The following RIPPLY1 variants were observed in gnomAD, a reference collection of about 807,000 sequenced individuals.
The protein encoded by RIPPLY1 is ripply transcriptional repressor 1, also known as protein ripply1.
A neutral mutation model predicts 8.7 loss-of-function variants in RIPPLY1; 10 were observed. That is an observed-to-expected ratio of 1.15 (90% CI 0.71 to 1.94). The LOEUF (loss-of-function observed/expected upper bound fraction) is 1.94. RIPPLY1 is among the 30% of genes most tolerant of loss of function. The pLI, the probability that RIPPLY1 is intolerant of heterozygous loss-of-function variation, is 0.00. For synonymous variants in RIPPLY1, 54 were observed against 44.8 expected, an observed-to-expected ratio of 1.20 and a Z score of -0.82; for missense variants, 118 against 108.7, an observed-to-expected ratio of 1.09 and a Z score of -0.38.
In RIPPLY1 at chrX:106,902,196, G is replaced by T; in HGVS notation, c.175C>A (p.Pro59Thr). The T allele has an allele frequency of 8.4e-7, 1 of 1,185,577 alleles. No individual in the cohort carries two copies. The highest frequency in any genetic ancestry group is 3.1e-5 in the East Asian group (1 of 32,371). Residue 59 changes from proline to threonine, a missense_variant, in exon 2 of 4, where the codon CCC becomes ACC. Transcript: ENST00000276173. ...GAGTCATTTGTGGAAGACAGCCAGG[G>T]CCTCCAGAGACAAGTTCCTCTGGGA... ...GSERGTCLWR[P>T]WLSSTNDSPR...
At position 106,901,533 on chromosome X, in the gene RIPPLY1, A is replaced by C. The variant is rs755166835; in HGVS notation, c.237T>G (p.Ala79=). Reference sequence around the variant, plus strand: ...TGACCTCAGCAGCCGTTGCCCCACCAGCAGCCTGTCCAAAGCAAAAGCTAG... The same window carrying C: ...TGACCTCAGCAGCCGTTGCCCCACCCGCAGCCTGTCCAAAGCAAAAGCTAG... ...RQMRKLVDLA[A]GGATAAEVTK... The change falls in exon 3 of 4, where the codon GCT becomes GCG. Residue 79 remains alanine (A), a synonymous_variant. Transcript: ENST00000276173. 2.5e-6 allele frequency: 3 copies of C among 1,209,645 alleles called. No homozygotes were observed. The African/African-American group carries it at 5.2e-5, about 21-fold the overall frequency.
chrX:106,901,439 T>C, intron 3 of RIPPLY1, 35 bp downstream of exon 3: 1 of 1,169,059 alleles, frequency 8.6e-7, no homozygotes, highest in East Asian at 3.0e-5. Context: ...CTAATGGATC[T>C]ATGTCAAGTT....
chrX:106,901,871 C>T (rs747605930), intron 2 of RIPPLY1, among the ~76,000 whole-genome samples: 3 of 111,689 alleles, frequency 2.7e-5, no homozygotes, highest in Middle Eastern at 4.2e-3. Flanking sequence ...TGCCAGGAGA[C>T]GAGGCCTCAA....
At chrX:106,901,640 A>G (rs1326868277) in intron 2 of RIPPLY1, 102 bp from the exon 3 acceptor site, 1 of 827,576 alleles carries the variant, frequency 1.2e-6, no homozygotes, top group Non-Finnish European at 1.8e-6. Flanking sequence ...GATCTTGAAG[A>G]GACCTTAGAC....
At position 106,900,120 on chromosome X, in the gene RIPPLY1, AAC is replaced by A. The variant is rs374450930; in HGVS notation, c.*627_*628del. The A allele has an allele frequency of 4.4e-5, 5 of 112,687 alleles. No homozygotes were observed. The highest frequency in any genetic ancestry group is 1.6e-4 in the African/African-American group (5 of 31,068). The allele number at this position is 112,687 out of a possible 1,213,427, so 9.3% of individuals were successfully genotyped here. On this transcript the variant is annotated 3_prime_UTR_variant, in exon 4 of 4. Transcript: ENST00000276173. Reference sequence around the variant, plus strand: ...TTTTTCTCCTGATTCATCTCATGCCAACACACAGACTTCAATGGACAGCAGGC... The same window carrying A: ...TTTTTCTCCTGATTCATCTCATGCCAACACAGACTTCAATGGACAGCAGGC...
In RIPPLY1 at chrX:106,903,282, G is replaced by A. The variant is rs1382306208; in HGVS notation, c.6C>T (p.Asp2=). The A allele has an allele frequency of 1.7e-6, 2 of 1,201,096 alleles. No homozygotes were observed. The highest frequency in any genetic ancestry group is 2.2e-5 in the Admixed American group (1 of 45,424). Residue 2 remains aspartate (D), a synonymous_variant, in exon 1 of 4, where the codon GAC becomes GAT. Coordinates refer to ENST00000276173, the MANE Select transcript of RIPPLY1 (RefSeq NM_138382.3). Reference sequence around the variant, plus strand: ...TGGCAGCAGCAGCACAGGCAGCAGAGTCCATTCTTAGGGGACCAAAGCCAG... The same window carrying A: ...TGGCAGCAGCAGCACAGGCAGCAGAATCCATTCTTAGGGGACCAAAGCCAG... M[D]SAACAAAATP...
At chrX:106,901,182 C>T (rs141657340) in intron 3 of RIPPLY1, among the ~76,000 whole-genome samples, 2,671 of 112,139 alleles carry the variant, frequency 0.024, 79 homozygotes, top group African/African-American at 0.083. Context: ...TGCTACCTAC[C>T]CCAGAAAGCT....
chrX:106,901,788 C>G (rs1469750768), intron 2 of RIPPLY1, among the ~76,000 whole-genome samples: 3 of 111,317 alleles, frequency 2.7e-5, no homozygotes, highest in African/African-American at 9.8e-5. Context: ...TGGAGGCTCT[C>G]CAGGGGACAG....
At chrX:106,902,935 C>T (rs1933125839) in intron 1 of RIPPLY1, among the ~76,000 whole-genome samples, 198 bp downstream of exon 1, 1 of 112,404 alleles carries the variant, frequency 8.9e-6, no homozygotes, top group Non-Finnish European at 1.9e-5. Context: ...GTCCCCAAGT[C>T]CCCTCTTGCC....
In RIPPLY1 at chrX:106,900,839, A is replaced by G; in HGVS notation, c.366T>C (p.Phe122=). 1 of 1,211,575 alleles carries G rather than the reference A, an allele frequency of 8.3e-7. No homozygotes were observed. The highest frequency in any genetic ancestry group is 1.1e-6 in the Non-Finnish European group (1 of 895,423). The part of the protein sequence containing the change: ...YSAGEILLQN[F]PVQATINLYE... ...ATAGGTTGATGGTTGCCTGGACAGGAAAGTTCTGCAGTAAAATCTCCCCAG... is the reference window on the plus strand; with the variant it reads ...ATAGGTTGATGGTTGCCTGGACAGGGAAGTTCTGCAGTAAAATCTCCCCAG... The change falls in exon 4 of 4, where the codon TTT becomes TTC. Residue 122 remains phenylalanine, a synonymous_variant. Coordinates refer to ENST00000276173, the MANE Select transcript of RIPPLY1 (RefSeq NM_138382.3).
chrX:106,903,111 C>T (rs1569285258), intron 1 of RIPPLY1, 22 bp downstream of exon 1: 1 of 1,209,557 alleles, frequency 8.3e-7, no homozygotes, highest in Non-Finnish European at 1.1e-6. Flanking sequence ...GTTCAGGTTG[C>T]CAAAGGCTAA....
intron 1 of RIPPLY1, among the ~76,000 whole-genome samples, chrX:106,902,782 G>C (rs1426130676): frequency 8.9e-6 from 1 of 112,028 alleles, no homozygotes; most frequent in African/African-American, 3.2e-5. Flanking sequence ...TTAGACTTTG[G>C]TCCTCTTTCC....
intron 2 of RIPPLY1, among the ~76,000 whole-genome samples, chrX:106,901,790 AG>A (rs1163098021): frequency 1.8e-5 from 2 of 110,776 alleles, no homozygotes; most frequent in Non-Finnish European, 3.8e-5. Context: ...GAGGCTCTCC[AG>A]GGGACAGTGT....
In RIPPLY1 at chrX:106,903,256, G is replaced by A; in HGVS notation, c.32C>T (p.Thr11Ile). Residue 11 changes from threonine (T) to isoleucine (I), a missense_variant, in exon 1 of 4, where the codon ACC (threonine) becomes ATC (isoleucine). By Grantham distance (89) the Thr-to-Ile change is moderately conservative. Coordinates refer to ENST00000276173, the MANE Select transcript of RIPPLY1 (RefSeq NM_138382.3). Reference protein sequence around the residue: MDSAACAAAATPVPALALALA... With the variant: MDSAACAAAAIPVPALALALA... The stretch of plus-strand genomic sequence containing the variant: ...GGCCAAAGCCAGGGCTGGAACAGGG[G>A]TGGCAGCAGCAGCACAGGCAGCAGA... 1 of 1,208,857 alleles carries A rather than the reference G, an allele frequency of 8.3e-7. No homozygotes were observed. The highest frequency in any genetic ancestry group is 1.1e-6 in the Non-Finnish European group (1 of 893,665).
rs759317535 is a variant in RIPPLY1 at position 106,900,765 on chromosome X, T to A, written c.440A>T (p.Asp147Val). Residue 147 changes from aspartate to valine, a missense_variant, in exon 4 of 4, where the codon GAT becomes GTT. Asp to Val is a radical substitution (Grantham distance 152). Transcript: ENST00000276173. ...EEEEEDEEQE[D>V]EEEK is the part of the protein sequence containing the mutation. ...ATTGGCCTCCTACTTCTCTTCTTCA[T>A]CCTCCTGCTCTTCATCTTCCTCTTC... The A allele has an allele frequency of 3.5e-5, 42 of 1,209,638 alleles. No individual in the cohort carries two copies. Among genetic ancestry groups the A allele is most frequent in the Non-Finnish European group, 4.5e-5 (40 of 894,385 alleles).
intron 1 of RIPPLY1, among the ~76,000 whole-genome samples, 193 bp downstream of exon 1, chrX:106,902,940 C>T (rs1199910353): frequency 8.9e-6 from 1 of 112,497 alleles, no homozygotes; most frequent in Non-Finnish European, 1.9e-5. Flanking sequence ...CAAGTCCCCT[C>T]TTGCCACCCA....
chrX:106,902,307 G>T, intron 1 of RIPPLY1, 92 bp from the exon 2 acceptor site: 1 of 719,287 alleles, frequency 1.4e-6, no homozygotes, highest in Non-Finnish European at 2.1e-6. Flanking sequence ...GCTTGGCTCA[G>T]GTGCCATCTG....
intron 2 of RIPPLY1, among the ~76,000 whole-genome samples, chrX:106,901,878 T>G: frequency 8.9e-6 from 1 of 111,810 alleles, no homozygotes; most frequent in Non-Finnish European, 1.9e-5. Flanking sequence ...AGACGAGGCC[T>G]CAAGCACCAG....
chrX:106,900,449 C>T lies in RIPPLY1; in HGVS notation c.*300G>A. 4.0e-6 allele frequency: 1 copy of T among 248,441 alleles called. No homozygotes were observed. The highest frequency in any genetic ancestry group is 7.2e-6 in the Non-Finnish European group (1 of 139,491). The allele number at this position is 248,441 out of a possible 1,213,427, so 20.5% of individuals were successfully genotyped here. A position where few individuals can be genotyped will look rare whatever the true frequency, so the allele number is the denominator to read the frequency against. Reference sequence around the variant, plus strand: ...GCTCCTAGAACCCTCCCATGGTCAACACAACAGCAGCCCAGACAATGAGAT... The same window carrying T: ...GCTCCTAGAACCCTCCCATGGTCAATACAACAGCAGCCCAGACAATGAGAT... On this transcript the variant is annotated 3_prime_UTR_variant, in exon 4 of 4. Coordinates refer to ENST00000276173, the MANE Select transcript of RIPPLY1 (RefSeq NM_138382.3).
Sources: gnomAD v4.1 joint callset for allele counts (sites outside exome capture counted in the v4.1 genomes callset) on GRCh38, gnomAD v4.1.1 for gene constraint, MANE v1.5 for transcripts, NCBI Gene and HGNC (gene_info 2026-07-23, HGNC 2026-07-21) for gene names.